SNTG1: variants seen among roughly 807,000 people sequenced by gnomAD.
SNTG1 encodes the protein syntrophin gamma 1.
A neutral mutation model predicts 74.7 loss-of-function variants in SNTG1; 39 were observed. That is an observed-to-expected ratio of 0.52 (90% CI 0.40 to 0.68). The LOEUF is 0.68. Among genes scored for constraint, SNTG1 ranks in the 30% least tolerant of loss-of-function variants. SNTG1 has a pLI of 0.00. For missense variants in SNTG1, 685 were observed against 609.5 expected (o/e 1.12, Z -1.30); for synonymous variants, 254 against 217.1 (o/e 1.17, Z -1.49).
intron 1 of SNTG1, among the ~76,000 whole-genome samples, chr8:50,143,041 T>G (rs1046570297): frequency 4.6e-5 from 7 of 151,698 alleles, no homozygotes; most frequent in African/African-American, 1.2e-4. Flanking sequence ...TCCACTGCAC[T>G]CCAGCCTGGG....
chr8:50,614,814 A>G (rs1036206699), intron 13 of SNTG1, among the ~76,000 whole-genome samples: 23 of 152,190 alleles, frequency 1.5e-4, no homozygotes, highest in African/African-American at 5.5e-4. Context: ...CAAAACCATG[A>G]ATGCATTATA....
intron 2 of SNTG1, 129 bp downstream of exon 2, chr8:50,172,764 C>T (rs2082853243): frequency 1.1e-5 from 1 of 94,826 alleles, no homozygotes. Context: ...TTTCTCTGTT[C>T]TTGAAAAATG....
chr8:50,428,121 C>A (rs1451385972), intron 4 of SNTG1, among the ~76,000 whole-genome samples: 1 of 152,100 alleles, frequency 6.6e-6, no homozygotes. Context: ...GGAGACCAGC[C>A]TAGACAACAT....
At chr8:49,962,275 A>C (rs1472652666) in intron 1 of SNTG1, among the ~76,000 whole-genome samples, 1 of 151,716 alleles carries the variant, frequency 6.6e-6, no homozygotes, top group East Asian at 1.9e-4. Context: ...GGCATGCAGG[A>C]AGCTGAGAGA....
chr8:50,005,180 A>C (rs1815098092), intron 1 of SNTG1, among the ~76,000 whole-genome samples: 1 of 151,906 alleles, frequency 6.6e-6, no homozygotes, highest in African/African-American at 2.4e-5. Context: ...TTTACATAAA[A>C]GCATACCTAA....
At chr8:50,228,111 G>A (rs955572670) in intron 2 of SNTG1, among the ~76,000 whole-genome samples, 1 of 151,586 alleles carries the variant, frequency 6.6e-6, no homozygotes, top group Non-Finnish European at 1.5e-5. Context: ...AAAGAAGAGT[G>A]ATAGAAACTC....
At chr8:50,231,253 AGAAAAGG>A (rs1355159289) in intron 2 of SNTG1, among the ~76,000 whole-genome samples, 1 of 151,394 alleles carries the variant, frequency 6.6e-6, no homozygotes, top group East Asian at 1.9e-4. Flanking sequence ...CACAGATATG[AGAAAAGG>A]GAACCCTCAT....
At chr8:50,784,533 G>T (rs940937823) in intron 18 of SNTG1, among the ~76,000 whole-genome samples, 4 of 152,066 alleles carry the variant, frequency 2.6e-5, no homozygotes, top group Non-Finnish European at 4.4e-5. Context: ...GCTCCAAAAG[G>T]TATGGAACAA....
intron 2 of SNTG1, among the ~76,000 whole-genome samples, chr8:50,217,202 A>G (rs547392483): frequency 6.6e-6 from 1 of 152,080 alleles, no homozygotes; most frequent in Non-Finnish European, 1.5e-5. Context: ...TTACTCATTT[A>G]TGAATGGTTA....
chr8:50,099,582 G>A (rs1219854922), intron 1 of SNTG1, among the ~76,000 whole-genome samples: 2 of 152,066 alleles, frequency 1.3e-5, no homozygotes, highest in African/African-American at 4.8e-5. Context: ...GCTCTCCACA[G>A]TAACTGTACT....
Position 49,913,700 on chromosome 8 carries a change from T to A in SNTG1, c.-103+1469T>A, listed in dbSNP as rs553377379. Among the ~76,000 whole-genome samples the A allele has an allele frequency of 7.9e-5, 12 of 152,338 alleles. 1 individual carries two copies. In the South Asian group the frequency reaches 2.5e-3, roughly 32 times the overall value. ...CAATGTGCTCTTAACACAATCCTTT[T>A]TTTCCTCAGTGGGAGAGGTATGGAA... On this transcript the variant is annotated intron_variant, in intron 1 of 18. Transcript: ENST00000642720.
chr8:50,669,188 A>G (rs1379825950), intron 15 of SNTG1, among the ~76,000 whole-genome samples: 3 of 151,776 alleles, frequency 2.0e-5, no homozygotes, highest in South Asian at 4.2e-4. Flanking sequence ...AACTAAAATC[A>G]GAGCAGAACT....
intron 12 of SNTG1, among the ~76,000 whole-genome samples, chr8:50,559,726 C>T (rs779249383): frequency 9.2e-5 from 14 of 152,046 alleles, no homozygotes; most frequent in Non-Finnish European, 1.9e-4. Flanking sequence ...AAAATTAACT[C>T]AAGATGGATT....
chr8:49,964,952 A>G (rs1208093940), intron 1 of SNTG1, among the ~76,000 whole-genome samples: 1 of 152,200 alleles, frequency 6.6e-6, no homozygotes, highest in East Asian at 1.9e-4. Flanking sequence ...TTTAATATAA[A>G]TTAGAGTTTA....
chr8:50,070,581 A>G (rs1383009184), intron 1 of SNTG1, among the ~76,000 whole-genome samples: 3 of 152,222 alleles, frequency 2.0e-5, no homozygotes, highest in Admixed American at 6.5e-5. Flanking sequence ...CAAGCTGAAT[A>G]GGGCTTCTGT....
intron 1 of SNTG1, among the ~76,000 whole-genome samples, chr8:50,127,613 C>T (rs895671223): frequency 3.9e-5 from 6 of 152,072 alleles, no homozygotes; most frequent in Admixed American, 1.3e-4. Context: ...TGGTCTAGAC[C>T]GGGTTTGCAC....
chr8:50,054,059 A>G (rs1410731491), intron 1 of SNTG1, among the ~76,000 whole-genome samples: 3 of 152,024 alleles, frequency 2.0e-5, no homozygotes, highest in Non-Finnish European at 2.9e-5. Flanking sequence ...TGATCCTCTT[A>G]CTTACTATAA....
chr8:50,528,202 C>T (rs1178555560), intron 9 of SNTG1, among the ~76,000 whole-genome samples: 1 of 151,856 alleles, frequency 6.6e-6, no homozygotes, highest in East Asian at 1.9e-4. Context: ...GTAGACATCC[C>T]TTTCTTTCTC....
Position 50,392,138 on chromosome 8 carries a change from T to G in SNTG1, c.-27-2074T>G, listed in dbSNP as rs112208692. ...GATAGTACTAATGTATCAGCAATGGTTCATTAACTGTAATCAATGTGACAT... is the reference window on the plus strand; with the variant it reads ...GATAGTACTAATGTATCAGCAATGGGTCATTAACTGTAATCAATGTGACAT... On this transcript the variant is annotated intron_variant, in intron 2 of 18. Transcript: ENST00000642720. Among the ~76,000 whole-genome samples, 18 of 152,260 alleles carry G rather than the reference T, an allele frequency of 1.2e-4. 1 individual carries two copies. Among genetic ancestry groups the G allele is most frequent in the African/African-American group, 4.1e-4 (17 of 41,550 alleles).
Sources: allele counts gnomAD v4.1 joint callset (sites outside exome capture counted in the v4.1 genomes callset), GRCh38; gene constraint gnomAD v4.1.1; transcripts MANE v1.5; gene names NCBI Gene and HGNC (gene_info 2026-07-23, HGNC 2026-07-21).